The following OPCML variants were observed in gnomAD, a reference collection of about 807,000 sequenced individuals.
The protein encoded by OPCML is opioid binding protein/cell adhesion molecule like, also known as opioid-binding protein/cell adhesion molecule.
In OPCML, 13 loss-of-function variants were observed where a neutral mutation model predicts 37.8. The observed-to-expected ratio is 0.34, with a 90% CI of 0.22 to 0.55. OPCML has a LOEUF of 0.55. Ranked by LOEUF, OPCML falls within the 20% of genes least tolerant of loss-of-function variation. The pLI, the probability that OPCML is intolerant of heterozygous loss-of-function variation, is 0.91. For synonymous variants in OPCML, 176 were observed against 168.8 expected, an observed-to-expected ratio of 1.04 and a Z score of -0.33; for missense variants, 341 against 435.6, an observed-to-expected ratio of 0.78 and a Z score of 1.93.
At chr11:132,510,846 G>T (rs1282775791) in intron 4 of OPCML, among the ~76,000 whole-genome samples, 1 of 152,052 alleles carries the variant, frequency 6.6e-6, no homozygotes, top group Non-Finnish European at 1.5e-5. Flanking sequence ...AAGATCATCT[G>T]TAAAAAACCT....
chr11:132,650,049 C>A (rs1192595969), intron 3 of OPCML, among the ~76,000 whole-genome samples: 1 of 152,058 alleles, frequency 6.6e-6, no homozygotes, highest in East Asian at 1.9e-4. Context: ...GGAATTCCAC[C>A]CCACTGTCCA....
At chr11:133,471,424 G>C (rs1947111903) in intron 1 of OPCML, among the ~76,000 whole-genome samples, 1 of 152,186 alleles carries the variant, frequency 6.6e-6, no homozygotes, top group Admixed American at 6.5e-5. Flanking sequence ...ATTTATGTAA[G>C]AGGAAGAGAC....
At chr11:132,726,355 C>A (rs1944885411) in intron 2 of OPCML, among the ~76,000 whole-genome samples, 1 of 152,132 alleles carries the variant, frequency 6.6e-6, no homozygotes, top group African/African-American at 2.4e-5. Flanking sequence ...CCTCATAGAA[C>A]CACCAGATCT....
intron 1 of OPCML, among the ~76,000 whole-genome samples, chr11:132,978,395 A>C (rs1946510489): frequency 6.6e-6 from 1 of 152,210 alleles, no homozygotes. Flanking sequence ...CAGGGAGGCC[A>C]ATCAAGGTAT....
At chr11:133,030,993 C>T (rs1056408855) in intron 1 of OPCML, among the ~76,000 whole-genome samples, 35 of 152,098 alleles carry the variant, frequency 2.3e-4, no homozygotes, top group African/African-American at 8.0e-4. Flanking sequence ...CTTCGTGTTC[C>T]CTTCCCCCTA....
At chr11:133,003,701 T>C in intron 1 of OPCML, 1 of 985,404 alleles carries the variant, frequency 1.0e-6, no homozygotes, top group South Asian at 4.7e-5. Flanking sequence ...CTTCCGGTAA[T>C]GAATTAAAGT....
At chr11:133,390,029 A>T (rs185655436) in intron 1 of OPCML, among the ~76,000 whole-genome samples, 5 of 152,350 alleles carry the variant, frequency 3.3e-5, no homozygotes, top group African/African-American at 1.2e-4. Flanking sequence ...AGTCATAAAA[A>T]TACCTCAATC....
intron 1 of OPCML, among the ~76,000 whole-genome samples, chr11:133,516,962 C>T (rs958713559): frequency 6.6e-5 from 10 of 152,208 alleles, no homozygotes; most frequent in Non-Finnish European, 1.0e-4. Context: ...TCCGTAGCAA[C>T]GGCATTGTAC....
chr11:133,402,680 C>T (rs1945432227), intron 1 of OPCML, among the ~76,000 whole-genome samples: 1 of 152,148 alleles, frequency 6.6e-6, no homozygotes, highest in South Asian at 2.1e-4. Context: ...CAGAAAGCAG[C>T]CAGAACCTAG....
chr11:133,367,635 G>T (rs865916568), intron 1 of OPCML, among the ~76,000 whole-genome samples: 1 of 152,238 alleles, frequency 6.6e-6, no homozygotes, highest in Non-Finnish European at 1.5e-5. Flanking sequence ...GTTAAGAGTG[G>T]TTCCAATTTA....
At chr11:133,358,113 C>T (rs1342817575) in intron 1 of OPCML, among the ~76,000 whole-genome samples, 2 of 152,202 alleles carry the variant, frequency 1.3e-5, no homozygotes, top group Non-Finnish European at 2.9e-5. Context: ...TTCTACTTTC[C>T]CTTCTTCATT....
chr11:132,492,138 T>G (rs1282212775), intron 4 of OPCML, among the ~76,000 whole-genome samples: 1 of 151,632 alleles, frequency 6.6e-6, no homozygotes, highest in Non-Finnish European at 1.5e-5. Context: ...GTATAAGAGG[T>G]GTCACCAGAA....
At chr11:132,601,938 A>G (rs1937941613) in intron 3 of OPCML, among the ~76,000 whole-genome samples, 1 of 152,176 alleles carries the variant, frequency 6.6e-6, no homozygotes, top group Admixed American at 6.5e-5. Context: ...ATTGTTACTA[A>G]TGCTCTTAAT....
intron 1 of OPCML, among the ~76,000 whole-genome samples, chr11:133,014,956 T>C (rs1271131931): frequency 6.6e-6 from 1 of 152,188 alleles, no homozygotes; most frequent in African/African-American, 2.4e-5. Context: ...AATTTATCAG[T>C]GTGTACCCTC....
intron 2 of OPCML, among the ~76,000 whole-genome samples, chr11:132,709,383 A>G (rs1488820059): frequency 6.6e-6 from 1 of 152,214 alleles, no homozygotes; most frequent in Non-Finnish European, 1.5e-5. Context: ...CAATAATCAA[A>G]ACTAAGATAT....
At chr11:132,672,040 C>T (rs1942499356) in intron 2 of OPCML, among the ~76,000 whole-genome samples, 1 of 152,250 alleles carries the variant, frequency 6.6e-6, no homozygotes, top group East Asian at 1.9e-4. Context: ...TAACACTTCC[C>T]TATTTGGCAC....
At chr11:132,998,419 T>A (rs1946927254) in intron 1 of OPCML, among the ~76,000 whole-genome samples, 1 of 152,198 alleles carries the variant, frequency 6.6e-6, no homozygotes, top group South Asian at 2.1e-4. Flanking sequence ...GGCCTACTCA[T>A]GCTCCAATCC....
At chr11:132,763,019 A>T (rs916347977) in intron 2 of OPCML, among the ~76,000 whole-genome samples, 8 of 152,110 alleles carry the variant, frequency 5.3e-5, no homozygotes, top group Non-Finnish European at 1.2e-4. Context: ...GCCAGATAGC[A>T]CCATCCCTCA....
chr11:132,521,619 G>A (rs554539627), intron 4 of OPCML, among the ~76,000 whole-genome samples: 1 of 152,006 alleles, frequency 6.6e-6, no homozygotes, highest in Admixed American at 6.6e-5. Context: ...GTGTGAGGGG[G>A]AAGGGGAGCG....
Sources: gnomAD v4.1 joint callset for allele counts (sites outside exome capture counted in the v4.1 genomes callset) on GRCh38, gnomAD v4.1.1 for gene constraint, MANE v1.5 for transcripts, NCBI Gene and HGNC (gene_info 2026-07-23, HGNC 2026-07-21) for gene names.